LRBA: variants seen among roughly 807,000 people sequenced by gnomAD.
LRBA encodes the protein LPS responsive beige-like anchor protein.
A neutral mutation model predicts 330.0 loss-of-function variants in LRBA; 176 were observed. That is an observed-to-expected ratio of 0.53 (90% CI 0.47 to 0.60). LRBA has a LOEUF of 0.60. LRBA is among the 20% of genes least tolerant of loss of function. The probability of loss-of-function intolerance (pLI) is 0.00; values close to 1 mark genes in which losing one functional copy is unlikely to be tolerated. For synonymous variants in LRBA, 1,230 were observed against 1,193.0 expected, an observed-to-expected ratio of 1.03 and a Z score of -0.64; for missense variants, 3,259 against 3,444.8, an observed-to-expected ratio of 0.95 and a Z score of 1.35.
At chr4:150,944,547 C>T (rs1276171153) in intron 2 of LRBA, among the ~76,000 whole-genome samples, 2 of 148,264 alleles carry the variant, frequency 1.3e-5, no homozygotes, top group South Asian at 2.1e-4. Context: ...GTCTATCAGA[C>T]AAAACTGAAA....
intron 16 of LRBA, among the ~76,000 whole-genome samples, chr4:150,895,095 A>C (rs934273352): frequency 2.6e-5 from 4 of 151,898 alleles, no homozygotes; most frequent in African/African-American, 9.7e-5. Context: ...ATTAATTATA[A>C]TATAGGAGTA....
At chr4:150,962,595 C>T (rs1738270426) in intron 2 of LRBA, among the ~76,000 whole-genome samples, 1 of 149,068 alleles carries the variant, frequency 6.7e-6, no homozygotes, top group South Asian at 2.1e-4. Flanking sequence ...AAAAGCCTTT[C>T]TATGTATGAT....
chr4:150,355,151 A>T (rs914647159), intron 47 of LRBA, among the ~76,000 whole-genome samples: 1 of 152,106 alleles, frequency 6.6e-6, no homozygotes, highest in African/African-American at 2.4e-5. Context: ...AAGCTATTTG[A>T]GAATAAAAAT....
intron 35 of LRBA, among the ~76,000 whole-genome samples, chr4:150,735,817 G>A (rs1731107770): frequency 6.6e-6 from 1 of 152,216 alleles, no homozygotes; most frequent in East Asian, 1.9e-4. Flanking sequence ...AAAAATTGAG[G>A]TTCACAGTCT....
intron 37 of LRBA, among the ~76,000 whole-genome samples, chr4:150,636,336 C>T (rs969243454): frequency 6.6e-6 from 1 of 151,978 alleles, no homozygotes; most frequent in Admixed American, 6.6e-5. Flanking sequence ...TAATTTATTG[C>T]TATCTATTAG....
At chr4:150,779,351 T>C (rs915056029) in intron 34 of LRBA, among the ~76,000 whole-genome samples, 1 of 152,088 alleles carries the variant, frequency 6.6e-6, no homozygotes, top group African/African-American at 2.4e-5. Flanking sequence ...TTTTAATTTT[T>C]ATTTTATTTT....
intron 36 of LRBA, among the ~76,000 whole-genome samples, chr4:150,716,525 G>A (rs1728223779): frequency 6.6e-6 from 1 of 152,054 alleles, no homozygotes; most frequent in African/African-American, 2.4e-5. Flanking sequence ...AGATGTTCAA[G>A]CTAAACAATA....
intron 23 of LRBA, 136 bp from the exon 24 acceptor site, chr4:150,851,038 G>A: frequency 1.8e-6 from 1 of 566,138 alleles, no homozygotes; most frequent in East Asian, 3.0e-5. Flanking sequence ...ATTAGAGAAA[G>A]AAAAATTATC....
chr4:150,358,594 A>G (rs1738214165), intron 47 of LRBA, among the ~76,000 whole-genome samples: 1 of 152,138 alleles, frequency 6.6e-6, no homozygotes, highest in Non-Finnish European at 1.5e-5. Flanking sequence ...TTGCTGTTAT[A>G]TTTTCTAAGA....
chr4:150,596,931 AATATG>A (rs571561157), intron 38 of LRBA: 42 of 424,452 alleles, frequency 9.9e-5, no homozygotes, highest in South Asian at 9.4e-4. Flanking sequence ...GTAAATATTA[AATATG>A]ATATATCTCT....
intron 44 of LRBA, among the ~76,000 whole-genome samples, chr4:150,449,134 A>C (rs1753030252): frequency 6.6e-6 from 1 of 152,142 alleles, no homozygotes; most frequent in Non-Finnish European, 1.5e-5. Flanking sequence ...TCCAGGTCCT[A>C]AGCAAATATC....
rs114836346 is a variant in LRBA at position 150,988,287 on chromosome 4, T to A, written c.216+26140A>T. Among the ~76,000 whole-genome samples the A allele has an allele frequency of 5.5e-3, 842 of 152,272 alleles. 4 individuals carry two copies. Among genetic ancestry groups the A allele is most frequent in the Non-Finnish European group, 9.2e-3 (624 of 68,024 alleles). On this transcript the variant is annotated intron_variant, in intron 2 of 56. Transcript: ENST00000651943. ...CATTATTGAGCATGGTACTACTACA[T>A]TCAACACACCATGGATATTATTTCA...
intron 47 of LRBA, among the ~76,000 whole-genome samples, chr4:150,369,619 A>G (rs1386396351): frequency 6.6e-6 from 1 of 152,192 alleles, no homozygotes; most frequent in African/African-American, 2.4e-5. Flanking sequence ...TAATTATAAC[A>G]AAATGCTTAC....
intron 40 of LRBA, among the ~76,000 whole-genome samples, chr4:150,531,561 T>C (rs925641498): frequency 4.6e-5 from 7 of 152,228 alleles, no homozygotes; most frequent in Non-Finnish European, 1.0e-4. Context: ...GAGAAGATTG[T>C]CCACATTTCT....
intron 34 of LRBA, among the ~76,000 whole-genome samples, chr4:150,767,579 G>A (rs1202180390): frequency 6.6e-6 from 1 of 151,808 alleles, no homozygotes. Flanking sequence ...CCAACACGGT[G>A]AAATCCCATC....
intron 37 of LRBA, among the ~76,000 whole-genome samples, chr4:150,672,814 C>T (rs1378797478): frequency 3.3e-5 from 5 of 152,124 alleles, no homozygotes; most frequent in Admixed American, 2.6e-4. Context: ...CTGTTATATA[C>T]TCAGTAATTT....
intron 9 of LRBA, among the ~76,000 whole-genome samples, chr4:150,909,507 T>C (rs1731727471): frequency 6.6e-6 from 1 of 152,168 alleles, no homozygotes; most frequent in African/African-American, 2.4e-5. Context: ...GTGTTGTCTG[T>C]CACATTTTCT....
intron 2 of LRBA, among the ~76,000 whole-genome samples, chr4:151,010,112 G>A (rs891390699): frequency 1.3e-5 from 2 of 152,094 alleles, no homozygotes; most frequent in African/African-American, 2.4e-5. Context: ...TCTGAAAATT[G>A]TGGTATCCAC....
intron 2 of LRBA, among the ~76,000 whole-genome samples, chr4:150,991,053 C>CAAAAAAAAAAAA: frequency 1.7e-5 from 1 of 60,016 alleles, no homozygotes; most frequent in Non-Finnish European, 3.6e-5. Flanking sequence ...ACTCTGTCTC[C>CAAAAAAAAAAAA]AAAAAAAAAA....
Sources: allele counts gnomAD v4.1 joint callset (sites outside exome capture counted in the v4.1 genomes callset), GRCh38; gene constraint gnomAD v4.1.1; transcripts MANE v1.5; gene names NCBI Gene and HGNC (gene_info 2026-07-23, HGNC 2026-07-21).